Variants in NLGN4X observed in about 807,000 individuals in gnomAD.
NLGN4X encodes the protein neuroligin 4 X-linked, also known as neuroligin-4, X-linked.
Under a neutral mutation model 40.3 loss-of-function variants are expected in NLGN4X, and 3 were observed. The observed-to-expected ratio is 0.07, with a 90% confidence interval of 0.03 to 0.19. The LOEUF is 0.19. NLGN4X is among the 10% of genes least tolerant of loss of function. The pLI, the probability that NLGN4X is intolerant of heterozygous loss-of-function variation, is 1.00. For missense variants in NLGN4X, 382 were observed against 708.3 expected (o/e 0.54, Z 5.23); for synonymous variants, 270 against 306.8 (o/e 0.88, Z 1.25).
At chrX:5,941,184 T>C (rs1287485834) in intron 3 of NLGN4X, among the ~76,000 whole-genome samples, 1 of 28,050 alleles carries the variant, frequency 3.6e-5, no homozygotes, top group African/African-American at 9.3e-5. Context: ...CTAGGGGGTG[T>C]GTGTGTGTGT....
intron 2 of NLGN4X, among the ~76,000 whole-genome samples, chrX:6,098,641 C>A (rs989457480): frequency 8.9e-6 from 1 of 111,862 alleles, no homozygotes; most frequent in African/African-American, 3.3e-5. Flanking sequence ...GCATTTCCAG[C>A]TTCCCCTCCT....
chrX:6,057,763 T>G (rs2037668655), intron 2 of NLGN4X, among the ~76,000 whole-genome samples: 1 of 111,756 alleles, frequency 8.9e-6, no homozygotes, highest in African/African-American at 3.2e-5. Context: ...TTACATGATG[T>G]AATCTAAGGG....
At chrX:6,124,597 A>G (rs1266182126) in intron 2 of NLGN4X, among the ~76,000 whole-genome samples, 1 of 111,423 alleles carries the variant, frequency 9.0e-6, no homozygotes, top group Non-Finnish European at 1.9e-5. Flanking sequence ...CAGGAGAACC[A>G]CTTGAAGCCA....
chrX:6,087,322 C>T (rs760146280), intron 2 of NLGN4X, among the ~76,000 whole-genome samples: 1 of 111,072 alleles, frequency 9.0e-6, no homozygotes, highest in African/African-American at 3.3e-5. Flanking sequence ...AGCATTCACC[C>T]ACATGCACAC....
At chrX:5,965,717 A>AT (rs2034812458) in intron 3 of NLGN4X, among the ~76,000 whole-genome samples, 1 of 111,940 alleles carries the variant, frequency 8.9e-6, no homozygotes, top group Non-Finnish European at 1.9e-5. Context: ...AAGAGATAAA[A>AT]TAGAAGCTGG....
chrX:6,221,765 C>G (rs1056790664), intron 1 of NLGN4X, among the ~76,000 whole-genome samples: 1 of 110,762 alleles, frequency 9.0e-6, no homozygotes, highest in African/African-American at 3.3e-5. Flanking sequence ...ATCCCCCATG[C>G]TTTTGAGACC....
chrX:6,086,436 T>A (rs1157616166), intron 2 of NLGN4X, among the ~76,000 whole-genome samples: 2 of 111,967 alleles, frequency 1.8e-5, no homozygotes. Context: ...AAGCCATATA[T>A]TATTCCCTTG....
chrX:6,171,173 T>G (rs1423155546), intron 1 of NLGN4X, among the ~76,000 whole-genome samples: 2 of 112,223 alleles, frequency 1.8e-5, no homozygotes, highest in Admixed American at 1.9e-4. Context: ...CACTCCTGAA[T>G]GAAGCATTCT....
chrX:5,910,904 A>G (rs369995605), intron 3 of NLGN4X, among the ~76,000 whole-genome samples: 3 of 111,478 alleles, frequency 2.7e-5, no homozygotes, highest in South Asian at 7.6e-4. Context: ...ATGTGACGGG[A>G]GATTAGCTAC....
chrX:6,110,956 G>C (rs930111345), intron 2 of NLGN4X, among the ~76,000 whole-genome samples: 5 of 111,478 alleles, frequency 4.5e-5, no homozygotes, highest in Non-Finnish European at 9.4e-5. Context: ...GAAGCCCTTA[G>C]AGGTGGTTCG....
At chrX:6,083,191 C>A (rs2038412690) in intron 2 of NLGN4X, among the ~76,000 whole-genome samples, 1 of 102,459 alleles carries the variant, frequency 9.8e-6, no homozygotes, top group African/African-American at 3.6e-5. Context: ...ATCTCCTGAC[C>A]TCATGATCCG....
chrX:6,132,715 C>A (rs975415465), intron 2 of NLGN4X, among the ~76,000 whole-genome samples: 4 of 111,687 alleles, frequency 3.6e-5, no homozygotes, highest in African/African-American at 1.3e-4. Context: ...CCTGTCTTCC[C>A]CCAACAACTT....
At chrX:6,054,753 G>A (rs1267223614) in intron 2 of NLGN4X, among the ~76,000 whole-genome samples, 1 of 111,120 alleles carries the variant, frequency 9.0e-6, no homozygotes. Context: ...CATCTCCCGG[G>A]TTCAAGCAAT....
intron 2 of NLGN4X, among the ~76,000 whole-genome samples, chrX:6,118,379 C>T (rs1298110203): frequency 9.0e-6 from 1 of 111,367 alleles, no homozygotes; most frequent in Non-Finnish European, 1.9e-5. Flanking sequence ...AAGCAGTCTC[C>T]TAATTCCCTC....
chrX:5,960,843 C>A (rs184466924), intron 3 of NLGN4X, among the ~76,000 whole-genome samples: 2 of 111,086 alleles, frequency 1.8e-5, no homozygotes, highest in African/African-American at 6.5e-5. Flanking sequence ...ATTTTTAGGG[C>A]AAGGTTCTAG....
intron 1 of NLGN4X, among the ~76,000 whole-genome samples, chrX:6,178,004 A>G (rs1396808983): frequency 5.4e-5 from 6 of 111,405 alleles, no homozygotes; most frequent in Non-Finnish European, 1.1e-4. Flanking sequence ...GGTGCTCACC[A>G]GACACTGAAT....
chrX:6,088,897 T>C (rs1282418821), intron 2 of NLGN4X, among the ~76,000 whole-genome samples: 1 of 112,034 alleles, frequency 8.9e-6, no homozygotes, highest in Admixed American at 9.5e-5. Flanking sequence ...CTTGGCATCC[T>C]TGTCTTGACC....
chrX:5,991,660 G>T, intron 3 of NLGN4X: 2 of 373,128 alleles, frequency 5.4e-6, no homozygotes, highest in Non-Finnish European at 9.8e-6. Context: ...GCTAATAACA[G>T]TAAACAAGTG....
At chrX:6,039,074 A>G (rs2037093357) in intron 2 of NLGN4X, among the ~76,000 whole-genome samples, 1 of 111,150 alleles carries the variant, frequency 9.0e-6, no homozygotes, top group Admixed American at 9.6e-5. Context: ...AATCCTCCCC[A>G]TGAATTTACT....
Sources: allele counts gnomAD v4.1 joint callset (sites outside exome capture counted in the v4.1 genomes callset), GRCh38; gene constraint gnomAD v4.1.1; transcripts MANE v1.5; gene names NCBI Gene and HGNC (gene_info 2026-07-23, HGNC 2026-07-21).